GALNT13: variants seen among roughly 807,000 people sequenced by gnomAD.
GALNT13 encodes the protein UDP-GalNAc:polypeptide N-acetylgalactosaminyltransferase 13.
Under a neutral mutation model 64.2 loss-of-function variants are expected in GALNT13, and 28 were observed. The observed-to-expected ratio is 0.44, with a 90% confidence interval of 0.32 to 0.60. GALNT13 has a LOEUF of 0.60. Ranked by LOEUF, GALNT13 falls within the 20% of genes least tolerant of loss-of-function variation. GALNT13 has a pLI of 0.05. For missense variants in GALNT13, 577 were observed against 669.8 expected (o/e 0.86, Z 1.53); for synonymous variants, 214 against 224.6 (o/e 0.95, Z 0.42).
At chr2:153,782,560 T>G in the GALNT13 span, among the ~76,000 whole-genome samples, 4 of 152,202 alleles carry the variant, frequency 2.6e-5, no homozygotes, top group Admixed American at 6.5e-5. Context: ...AGTTATGCAG[T>G]GAATGACCAA....
chr2:154,446,122 C>T (rs1316602909), intron 12 of GALNT13, among the ~76,000 whole-genome samples: 2 of 151,922 alleles, frequency 1.3e-5, no homozygotes, highest in Non-Finnish European at 2.9e-5. Flanking sequence ...AGCCTTAAAG[C>T]TAAATTATCC....
At chr2:153,319,473 C>G in the GALNT13 span, among the ~76,000 whole-genome samples, 1 of 152,052 alleles carries the variant, frequency 6.6e-6, no homozygotes, top group Non-Finnish European at 1.5e-5. Flanking sequence ...AAGATGAGGT[C>G]TTGCCACTTT....
At chr2:153,941,699 A>T in intron 2 of GALNT13, among the ~76,000 whole-genome samples, 1 of 152,330 alleles carries the variant, frequency 6.6e-6, no homozygotes, top group East Asian at 1.9e-4. Context: ...AATACAATAT[A>T]TAAGATTATT....
chr2:153,992,155 A>G (rs1315330268), intron 3 of GALNT13, among the ~76,000 whole-genome samples: 2 of 152,168 alleles, frequency 1.3e-5, no homozygotes, highest in African/African-American at 4.8e-5. Flanking sequence ...TATGTTTTCA[A>G]TCCGTAAGTT....
At chr2:154,204,304 C>T (rs1559023049) in intron 4 of GALNT13, among the ~76,000 whole-genome samples, 1 of 151,960 alleles carries the variant, frequency 6.6e-6, no homozygotes, top group Non-Finnish European at 1.5e-5. Flanking sequence ...TGATTTAATC[C>T]AAGTTTTTCC....
chr2:153,401,129 T>C, the GALNT13 span, among the ~76,000 whole-genome samples: 2 of 152,190 alleles, frequency 1.3e-5, no homozygotes, highest in Non-Finnish European at 2.9e-5. Flanking sequence ...TGTTGTGTCT[T>C]TGTTCTCATT....
At chr2:154,350,336 G>A (rs555841035) in intron 9 of GALNT13, among the ~76,000 whole-genome samples, 101 of 152,312 alleles carry the variant, frequency 6.6e-4, no homozygotes, top group Middle Eastern at 3.4e-3. Context: ...GCAGGCAGAA[G>A]AACGTGGAAG....
intron 2 of GALNT13, among the ~76,000 whole-genome samples, chr2:153,913,012 G>A (rs1689063001): frequency 6.6e-6 from 1 of 152,152 alleles, no homozygotes. Context: ...ATTACTCAGG[G>A]AGACAGGGGT....
chr2:153,674,751 G>C, the GALNT13 span, among the ~76,000 whole-genome samples: 1 of 152,124 alleles, frequency 6.6e-6, no homozygotes, highest in African/African-American at 2.4e-5. Flanking sequence ...ACTATCATGA[G>C]AGTGAACGGG....
intron 9 of GALNT13, among the ~76,000 whole-genome samples, chr2:154,385,488 TAGATA>T (rs1192589334): frequency 6.6e-6 from 1 of 151,964 alleles, no homozygotes; most frequent in Non-Finnish European, 1.5e-5. Context: ...ATTTTGATAT[TAGATA>T]AAAGTGAACA....
At chr2:153,488,248 C>T in the GALNT13 span, among the ~76,000 whole-genome samples, 35 of 152,294 alleles carry the variant, frequency 2.3e-4, no homozygotes, top group African/African-American at 8.4e-4. Flanking sequence ...AAGGCACTTC[C>T]GCCTGGGGAG....
chr2:153,820,568 T>C, the GALNT13 span, among the ~76,000 whole-genome samples: 1 of 152,160 alleles, frequency 6.6e-6, no homozygotes, highest in Non-Finnish European at 1.5e-5. Context: ...ATTAAGGCCC[T>C]ATATTCAGCA....
intron 1 of GALNT13, among the ~76,000 whole-genome samples, chr2:153,896,792 T>G (rs1055983143): frequency 6.6e-6 from 1 of 152,152 alleles, no homozygotes; most frequent in Non-Finnish European, 1.5e-5. Context: ...AAAAATACTT[T>G]CTCGATATAT....
chr2:153,264,043 A>G, the GALNT13 span, among the ~76,000 whole-genome samples: 1 of 152,194 alleles, frequency 6.6e-6, no homozygotes, highest in Non-Finnish European at 1.5e-5. Flanking sequence ...TTTGCAATCT[A>G]TCCATCTGAC....
At chr2:153,772,553 CA>C in the GALNT13 span, among the ~76,000 whole-genome samples, 1 of 152,182 alleles carries the variant, frequency 6.6e-6, no homozygotes, top group African/African-American at 2.4e-5. Context: ...AGTGAATTCT[CA>C]TTTTCCTTCT....
chr2:154,430,518 G>T (rs1487931424), intron 11 of GALNT13, among the ~76,000 whole-genome samples: 2 of 152,124 alleles, frequency 1.3e-5, no homozygotes, highest in Admixed American at 1.3e-4. Context: ...CAAGAAAAGT[G>T]GTTTCTTGAG....
intron 7 of GALNT13, among the ~76,000 whole-genome samples, chr2:154,255,646 T>A (rs1328132627): frequency 6.6e-6 from 1 of 152,126 alleles, no homozygotes. Context: ...GGAAGACACA[T>A]TTTTAAACAT....
chr2:153,582,010 T>G, the GALNT13 span, among the ~76,000 whole-genome samples: 1 of 152,108 alleles, frequency 6.6e-6, no homozygotes, highest in Admixed American at 6.6e-5. Flanking sequence ...CCATCACTTA[T>G]AAGGCAAAGC....
intron 4 of GALNT13, among the ~76,000 whole-genome samples, chr2:154,156,598 A>G (rs1044285259): frequency 1.3e-5 from 2 of 152,216 alleles, no homozygotes; most frequent in Non-Finnish European, 2.9e-5. Flanking sequence ...TTTATAGATT[A>G]GGAAACATAC....
Sources: gnomAD v4.1 joint callset for allele counts (sites outside exome capture counted in the v4.1 genomes callset) on GRCh38, gnomAD v4.1.1 for gene constraint, MANE v1.5 for transcripts, NCBI Gene and HGNC (gene_info 2026-07-23, HGNC 2026-07-21) for gene names.